C2CD2L: variants seen among roughly 807,000 people sequenced by gnomAD.
C2CD2L encodes C2CD2 like.
A neutral mutation model predicts 69.9 loss-of-function variants in C2CD2L; 24 were observed. The observed-to-expected ratio is 0.34, with a 90% CI of 0.25 to 0.48. The LOEUF (loss-of-function observed/expected upper bound fraction) is 0.48. Ranked by LOEUF, C2CD2L falls within the 20% of genes least tolerant of loss-of-function variation. The pLI, the probability that C2CD2L is intolerant of heterozygous loss-of-function variation, is 0.99. For missense variants in C2CD2L, 811 were observed against 941.5 expected (o/e 0.86, Z 1.81); for synonymous variants, 367 against 391.0 (o/e 0.94, Z 0.72).
Position 119,116,114 on chromosome 11 carries a change from G to C in C2CD2L, c.1979G>C (p.Ser660Thr), listed in dbSNP as rs760358559. ...RRPRQKEAGL[S>T]QSHDDLSNAT... ...CCTAGGCAGAAGGAAGCTGGCCTGA[G>C]CCAATCACACGATGACCTCTCCAAC... Residue 660 changes from serine to threonine, a missense_variant, in exon 14 of 14, where the codon AGC (serine) becomes ACC (threonine). Physicochemically the swap from Ser to Thr is moderately conservative, Grantham distance 58. Coordinates refer to ENST00000648610, the MANE Select transcript of C2CD2L (RefSeq NM_001290474.2). 2.5e-6 allele frequency: 4 copies of C among 1,614,182 alleles called. No homozygotes were observed. The South Asian group carries it at 4.4e-5, about 18-fold the overall frequency.
In C2CD2L at chr11:119,107,858, G is replaced by T; in HGVS notation, c.117G>T (p.Leu39=). The T allele has an allele frequency of 6.6e-7, 1 of 1,525,822 alleles. No individual in the cohort carries two copies. The highest frequency in any genetic ancestry group is 8.7e-7 in the Non-Finnish European group (1 of 1,147,186). The allele number at this position is 1,525,822 out of a possible 1,614,324, so 94.5% of individuals were successfully genotyped here. ...WLLQYARGLW[L]ARARGDRGPG... is the part of the protein sequence containing the mutation. ...TGCAATATGCCCGGGGCTTGTGGCT[G>T]GCGCGGGCCCGCGGGGACCGGGGCC... Residue 39 remains leucine (L), a synonymous_variant, in exon 1 of 14, where the codon CTG becomes CTT. Transcript: ENST00000648610. The surrounding 1 kb of genome is among the most constrained non-coding windows in gnomAD (Gnocchi z 5.4).
At position 119,110,824 on chromosome 11, in the gene C2CD2L, A is replaced by G; in HGVS notation, c.571-23A>G. On this transcript the variant is annotated intron_variant, in intron 3 of 13. Coordinates refer to ENST00000648610, the MANE Select transcript of C2CD2L (RefSeq NM_001290474.2). The surrounding 1 kb of genome is among the most constrained non-coding windows in gnomAD (Gnocchi z 5.7). ...TTGGGTAAATGGGGCAAGTCAGCCC[A>G]GTCACTTTGTTCCTGTCTGTAGTTG... is the stretch of plus-strand genomic sequence containing the variant. The G allele has an allele frequency of 6.2e-7, 1 of 1,612,822 alleles. No individual in the cohort carries two copies. The highest frequency in any genetic ancestry group is 1.7e-4 in the Middle Eastern group (1 of 6,060).
In C2CD2L at chr11:119,110,707, T is replaced by C; in HGVS notation, c.570+27T>C. 6.2e-7 allele frequency: 1 copy of C among 1,613,344 alleles called. No homozygotes were observed. The highest frequency in any genetic ancestry group is 1.3e-5 in the African/African-American group (1 of 75,044). Reference sequence around the variant, plus strand: ...TAGAAGGGGATGTGGGAAACTGAGTTGGGCAGGGGCGGTTCCATTGGCTCA... The same window carrying C: ...TAGAAGGGGATGTGGGAAACTGAGTCGGGCAGGGGCGGTTCCATTGGCTCA... On this transcript the variant is annotated intron_variant, in intron 3 of 13. Transcript: ENST00000648610. This position sits in a 1 kb window ranked among gnomAD's most constrained non-coding sequence, Gnocchi z 5.7.
Position 119,114,384 on chromosome 11 carries a change from G to A in C2CD2L, c.1909+19G>A. ...CACAAAGGTAGGGGGACGTTGGCAG[G>A]GTGCCCCTCATCTCTTCTTTTATAC... On this transcript the variant is annotated intron_variant, in intron 13 of 13. Coordinates refer to ENST00000648610, the MANE Select transcript of C2CD2L (RefSeq NM_001290474.2). The surrounding 1 kb of genome is among the most constrained non-coding windows in gnomAD (Gnocchi z 5.1). 6.2e-7 allele frequency: 1 copy of A among 1,612,290 alleles called. No homozygotes were observed. The highest frequency in any genetic ancestry group is 8.5e-7 in the Non-Finnish European group (1 of 1,179,026).
In C2CD2L at chr11:119,111,615, A is replaced by G; in HGVS notation, c.1005A>G (p.Thr335=). 2 of 1,612,976 alleles carry G rather than the reference A, an allele frequency of 1.2e-6. No homozygotes were observed. Among genetic ancestry groups the G allele is most frequent in the Non-Finnish European group, 1.7e-6 (2 of 1,179,320 alleles). The part of the protein sequence containing the change: ...PARAGSEVEW[T]EDLALDLGPQ... ...GGGCTGGATCCGAGGTGGAGTGGAC[A>G]GAAGACCTGGCACTGTAAGGAGTAA... The change falls in exon 7 of 14, where the codon ACA becomes ACG. Residue 335 remains threonine (T), a synonymous_variant. Coordinates refer to ENST00000648610, the MANE Select transcript of C2CD2L (RefSeq NM_001290474.2).
upstream of C2CD2L, among the ~76,000 whole-genome samples, chr11:119,104,473 G>C (rs1481914073): frequency 1.3e-5 from 2 of 152,130 alleles, no homozygotes; most frequent in African/African-American, 2.4e-5. Context: ...TCAGAAAATG[G>C]TTACTAAGAT....
At position 119,112,502 on chromosome 11, in the gene C2CD2L, A is replaced by G. The variant is rs1271594593; in HGVS notation, c.1105A>G (p.Thr369Ala). ...CCCAGCCGAACTCCTAGGCCAGGCC[A>G]CACTGCCTGTGGGCTCCCCCTCCAG... ...CGDTELLGQA[T>A]LPVGSPSRPL... The change falls in exon 9 of 14, where the codon ACA becomes GCA. Residue 369 changes from threonine to alanine, a missense_variant. Thr to Ala is a moderately conservative substitution (Grantham distance 58, BLOSUM62 0). Coordinates refer to ENST00000648610, the MANE Select transcript of C2CD2L (RefSeq NM_001290474.2). 1 of 1,613,792 alleles carries G rather than the reference A, an allele frequency of 6.2e-7. No homozygotes were observed. The highest frequency in any genetic ancestry group is 2.2e-5 in the East Asian group (1 of 44,872).
In C2CD2L at chr11:119,112,499, G is replaced by T; in HGVS notation, c.1102G>T (p.Ala368Ser). The change falls in exon 9 of 14, where the codon GCC (alanine) becomes TCC (serine). Residue 368 changes from alanine (A) to serine (S), a missense_variant. Ala to Ser is a moderately conservative substitution (Grantham distance 99). Transcript: ENST00000648610. Reference sequence around the variant, plus strand: ...TTCCCCAGCCGAACTCCTAGGCCAGGCCACACTGCCTGTGGGCTCCCCCTC... The same window carrying T: ...TTCCCCAGCCGAACTCCTAGGCCAGTCCACACTGCCTGTGGGCTCCCCCTC... ...SCGDTELLGQATLPVGSPSRP... is the reference protein window; with the variant it reads ...SCGDTELLGQSTLPVGSPSRP... The T allele has an allele frequency of 6.2e-7, 1 of 1,613,770 alleles. No individual in the cohort carries two copies. Among genetic ancestry groups the T allele is most frequent in the Non-Finnish European group, 8.5e-7 (1 of 1,179,882 alleles).
intron 7 of C2CD2L, chr11:119,112,022 G>A (rs1364681985): frequency 2.1e-6 from 1 of 471,930 alleles, no homozygotes. Context: ...GAGTGTGAAA[G>A]TATTCTCGGC....
At chr11:119,113,523 A>C (rs962949009) in intron 10 of C2CD2L, 88 bp from the exon 11 acceptor site, 9 of 1,496,754 alleles carry the variant, frequency 6.0e-6, no homozygotes, top group Non-Finnish European at 8.0e-6. Flanking sequence ...CCTCTGAGTC[A>C]CCCAAAGTCT....
chr11:119,113,677 GCAGTGGCCC>G lies in C2CD2L; in HGVS notation c.1458_1466del (p.Gly487_Ser489del). The G allele has an allele frequency of 6.2e-7, 1 of 1,613,984 alleles. No individual in the cohort carries two copies. ...AAGACGACAACTGTGCTGAGTGAGA[GCAGTGGCCC>G]CAGCAATACCTCCCATAGCAGCAGC... On this transcript the variant is annotated inframe_deletion, in exon 11 of 14. Coordinates refer to ENST00000648610, the MANE Select transcript of C2CD2L (RefSeq NM_001290474.2).
chr11:119,111,772 T>C, intron 7 of C2CD2L, 143 bp downstream of exon 7: 2 of 625,718 alleles, frequency 3.2e-6, no homozygotes, highest in Middle Eastern at 3.9e-4. Flanking sequence ...GCGTGGGTCT[T>C]AGGGATACAG....
intron 13 of C2CD2L, 42 bp from the exon 14 acceptor site, chr11:119,116,003 C>G: frequency 6.4e-7 from 1 of 1,569,054 alleles, no homozygotes; most frequent in Non-Finnish European, 8.7e-7. Flanking sequence ...CTCACCCCAC[C>G]CCGTGCCCCT....
At chr11:119,115,781 C>T (rs1946870364) in intron 13 of C2CD2L, 8 of 583,248 alleles carry the variant, frequency 1.4e-5, no homozygotes, top group African/African-American at 5.6e-5. Flanking sequence ...TAAGATTGTA[C>T]ACAGATCCCC....
chr11:119,111,449 G>A (rs1203073651), intron 6 of C2CD2L, 72 bp from the exon 7 acceptor site: 2 of 1,594,520 alleles, frequency 1.3e-6, no homozygotes, highest in African/African-American at 2.7e-5. Context: ...TCTGCCAAGG[G>A]TACAGCCTCT....
Position 119,112,247 on chromosome 11 carries a change from G to A in C2CD2L, c.1020-81G>A. 3.3e-6 allele frequency: 4 copies of A among 1,221,394 alleles called. No homozygotes were observed. In the South Asian group the frequency reaches 4.0e-5, roughly 12 times the overall value. The allele number at this position is 1,221,394 out of a possible 1,614,324, so 75.7% of individuals were successfully genotyped here. On this transcript the variant is annotated intron_variant, in intron 7 of 13. Coordinates refer to ENST00000648610, the MANE Select transcript of C2CD2L (RefSeq NM_001290474.2). ...GTTTTATTTATGTACACAGCTCTCT[G>A]CCTCTGGCCTGTGATCCACTCAAGT...
At chr11:119,102,976 G>A (rs71468735), upstream of C2CD2L, among the ~76,000 whole-genome samples, 1 of 138,796 alleles carries the variant, frequency 7.2e-6, no homozygotes, top group Non-Finnish European at 1.5e-5. Context: ...AGGTTCAAGA[G>A]ATTCTCCTGC....
At chr11:119,105,839 T>C (rs1384455288), upstream of C2CD2L, among the ~76,000 whole-genome samples, 1 of 151,960 alleles carries the variant, frequency 6.6e-6, no homozygotes, top group Non-Finnish European at 1.5e-5. Flanking sequence ...TCCTGAAGGA[T>C]TCTTGGGGGA....
Position 119,111,171 on chromosome 11 carries a change from G to A in C2CD2L, c.798+3G>A, listed in dbSNP as rs1362473358. On this transcript the variant is annotated splice_donor_region_variant and intron_variant, in intron 5 of 13. Coordinates refer to ENST00000648610, the MANE Select transcript of C2CD2L (RefSeq NM_001290474.2). The stretch of plus-strand genomic sequence containing the variant: ...CTTGCTCTGCCCCAGGAGGCCTGGT[G>A]AGTTGGCACCCAAAGCAAAAGATTT... The A allele has an allele frequency of 6.2e-7, 1 of 1,613,404 alleles. No individual in the cohort carries two copies. Among genetic ancestry groups the A allele is most frequent in the Admixed American group, 1.7e-5 (1 of 60,032 alleles).
Sources: allele counts gnomAD v4.1 joint callset (sites outside exome capture counted in the v4.1 genomes callset), GRCh38; gene constraint gnomAD v4.1.1; non-coding constraint Gnocchi (gnomAD v3.1); transcripts MANE v1.5; gene names NCBI Gene and HGNC (gene_info 2026-07-23, HGNC 2026-07-21).